Variants in POM121 observed in about 807,000 individuals in gnomAD.
The protein encoded by POM121 is nuclear envelope pore membrane protein POM 121.
Under a neutral mutation model 81.3 loss-of-function variants are expected in POM121, and 32 were observed. The observed-to-expected ratio is 0.39, with a 90% CI of 0.30 to 0.53. The LOEUF (loss-of-function observed/expected upper bound fraction) is 0.53. Among genes scored for constraint, POM121 ranks in the 20% least tolerant of loss-of-function variants. The pLI is 0.66. For synonymous variants in POM121, 514 were observed against 694.2 expected (o/e 0.74, Z 4.08); for missense variants, 1,138 against 1,614.6 (o/e 0.70, Z 5.06).
chr7:72,929,369 ACT>A (rs1795792198), intron 4 of POM121, among the ~76,000 whole-genome samples: 1 of 152,112 alleles, frequency 6.6e-6, no homozygotes, highest in South Asian at 2.1e-4. Flanking sequence ...GACGTGGGTC[ACT>A]CTAGGAGAGA....
chr7:72,930,547 G>C (rs1448816733), intron 5 of POM121, among the ~76,000 whole-genome samples: 10 of 152,244 alleles, frequency 6.6e-5, no homozygotes, highest in Admixed American at 6.5e-4. Context: ...ACTGAGTCCA[G>C]CTTGTATTGG....
At chr7:72,914,983 T>C (rs1554494895) in intron 4 of POM121, among the ~76,000 whole-genome samples, 1 of 152,110 alleles carries the variant, frequency 6.6e-6, no homozygotes, top group Non-Finnish European at 1.5e-5. Context: ...TTACAGGTGG[T>C]ACCTGTATTA....
chr7:72,898,979 C>CTTTTT (rs1176371162), intron 3 of POM121, among the ~76,000 whole-genome samples: 74 of 34,084 alleles, frequency 2.2e-3, no homozygotes, highest in Non-Finnish European at 3.0e-3. Flanking sequence ...CTTTTCTTTT[C>CTTTTT]TTTTTTTTTT....
At chr7:72,938,003 C>T (rs1230460658) in intron 5 of POM121, among the ~76,000 whole-genome samples, 1 of 151,992 alleles carries the variant, frequency 6.6e-6, no homozygotes, top group Non-Finnish European at 1.5e-5. Context: ...TAATTTACTT[C>T]TATCCTCTCC....
intron 5 of POM121, among the ~76,000 whole-genome samples, chr7:72,933,507 A>G (rs1239707736): frequency 1.3e-5 from 2 of 152,202 alleles, no homozygotes; most frequent in Non-Finnish European, 2.9e-5. Flanking sequence ...CATGTTCAAG[A>G]GTTTTTCCTA....
Position 72,943,143 on chromosome 7 carries a change from C to G in POM121, c.3150C>G (p.Pro1050=). Residue 1050 remains proline (P), a synonymous_variant, in exon 11 of 13, where the codon CCC becomes CCG. Coordinates refer to ENST00000434423, the MANE Select transcript of POM121 (RefSeq NM_001387691.1). ...CCACGGCTTCGGCCTTCGGCGCTCC[C>G]GCCAGCTCACAGCCCGCCTTTGGCG... ...LKATASAFGA[P]ASSQPAFGGS... is the part of the protein sequence containing the mutation. 1 of 1,613,318 alleles carries G rather than the reference C, an allele frequency of 6.2e-7. No homozygotes were observed.
intron 3 of POM121, among the ~76,000 whole-genome samples, chr7:72,904,337 T>C (rs1419812099): frequency 1.3e-5 from 2 of 152,236 alleles, no homozygotes; most frequent in African/African-American, 4.8e-5. Flanking sequence ...AGCACGCCTC[T>C]AGTTTGCCTC....
chr7:72,879,849 G>C, exon 1 of POM121: 22 of 512,014 alleles, frequency 4.3e-5, no homozygotes, highest in South Asian at 3.1e-4. Flanking sequence ...CCGGCCTCTC[G>C]GGAGCCGTGG....
In POM121 at chr7:72,944,763, AGT is replaced by A. The variant is rs1158203864; in HGVS notation, c.3530-819_3530-818del. ...CGGGAGCCGGAGCAGTTGTGGTGAC[AGT>A]GTGGCTGCAGGAGTGGTGGCAGGGG... On this transcript the variant is annotated intron_variant, in intron 11 of 12. Coordinates refer to ENST00000434423, the MANE Select transcript of POM121 (RefSeq NM_001387691.1). 4.0e-5 allele frequency among the ~76,000 whole-genome samples: 6 copies of A among 151,686 alleles called. No individual in the cohort carries two copies. The East Asian group carries it at 9.7e-4, about 25-fold the overall frequency.
chr7:72,941,702 G>A (rs1394033837), intron 10 of POM121, 135 bp from the exon 11 acceptor site: 3 of 1,057,930 alleles, frequency 2.8e-6, no homozygotes, highest in South Asian at 3.3e-5. Flanking sequence ...GGCCTGTAGT[G>A]TAGACTTAGC....
rs1795847774 is a variant in POM121, at chr7:72,929,924, T to C, written c.1104-16T>C. 6.4e-7 allele frequency: 1 copy of C among 1,572,338 alleles called. No individual in the cohort carries two copies. The highest frequency in any genetic ancestry group is 8.7e-7 in the Non-Finnish European group (1 of 1,155,962). ...TTGCCTTCAATAAAGCATCTAACTG[T>C]CTTCTCTTTTATTAGGCCTGGGTCT... On this transcript the variant is annotated splice_polypyrimidine_tract_variant and intron_variant, in intron 4 of 12. Coordinates refer to ENST00000434423, the MANE Select transcript of POM121 (RefSeq NM_001387691.1).
intron 3 of POM121, among the ~76,000 whole-genome samples, chr7:72,892,826 C>G (rs1223249958): frequency 2.0e-5 from 3 of 152,078 alleles, no homozygotes; most frequent in African/African-American, 7.2e-5. Flanking sequence ...ACCACCATGC[C>G]TGGCTAATTT....
At chr7:72,926,138 C>T (rs1336478793) in intron 1 of POM121, 124 bp from the exon 2 acceptor site, 5 of 1,043,716 alleles carry the variant, frequency 4.8e-6, no homozygotes, top group Non-Finnish European at 6.9e-6. Context: ...ACACCGTGTT[C>T]TGTGTTGCTT....
intron 9 of POM121, 26 bp from the exon 10 acceptor site, chr7:72,940,791 C>G: frequency 1.0e-6 from 1 of 959,972 alleles, no homozygotes; most frequent in Admixed American, 2.2e-5. Context: ...CAAGCCAGGA[C>G]TGCTTCACCT....
intron 4 of POM121, among the ~76,000 whole-genome samples, chr7:72,917,393 C>T (rs1586127780): frequency 6.6e-6 from 1 of 152,184 alleles, no homozygotes; most frequent in East Asian, 1.9e-4. Context: ...TCTTTCTGAG[C>T]GAGCATCCTG....
chr7:72,909,968 C>T (rs1268225875), intron 3 of POM121, among the ~76,000 whole-genome samples: 1 of 152,346 alleles, frequency 6.6e-6, no homozygotes, highest in East Asian at 1.9e-4. Flanking sequence ...TTTGAAACCT[C>T]AGAGTATTCC....
intron 3 of POM121, among the ~76,000 whole-genome samples, chr7:72,904,805 T>A (rs1385892221): frequency 6.6e-6 from 1 of 152,202 alleles, no homozygotes; most frequent in African/African-American, 2.4e-5. Context: ...TGGGGAGGTC[T>A]CAGGACACTT....
chr7:72,910,277 A>G (rs1793675612), intron 3 of POM121, among the ~76,000 whole-genome samples: 1 of 152,128 alleles, frequency 6.6e-6, no homozygotes, highest in South Asian at 2.1e-4. Context: ...GCTTTTTAAT[A>G]TACTTTCACT....
chr7:72,885,283 T>C (rs1391241220), intron 1 of POM121, among the ~76,000 whole-genome samples: 1 of 152,160 alleles, frequency 6.6e-6, no homozygotes, highest in Non-Finnish European at 1.5e-5. Context: ...CTTGTTCTGC[T>C]CTGGTTGGGT....
Sources: allele counts gnomAD v4.1 joint callset (sites outside exome capture counted in the v4.1 genomes callset), GRCh38; gene constraint gnomAD v4.1.1; transcripts MANE v1.5; gene names NCBI Gene and HGNC (gene_info 2026-07-23, HGNC 2026-07-21).